Variants in SATB1 observed in about 807,000 individuals in gnomAD.
SATB1 encodes the protein DNA-binding protein SATB1.
A neutral mutation model predicts 86.9 loss-of-function variants in SATB1; 11 were observed. The observed-to-expected ratio is 0.13, with a 90% CI of 0.08 to 0.21. SATB1 has a LOEUF of 0.21. Ranked by LOEUF, SATB1 falls within the 10% of genes least tolerant of loss-of-function variation. SATB1 has a pLI of 1.00. For missense variants in SATB1, 551 were observed against 937.6 expected (o/e 0.59, Z 5.39); for synonymous variants, 357 against 357.2 (o/e 1.00, Z 0.01).
At chr3:18,377,184 A>G (rs926548779) in intron 9 of SATB1, among the ~76,000 whole-genome samples, 3 of 152,194 alleles carry the variant, frequency 2.0e-5, no homozygotes, top group African/African-American at 7.2e-5. Flanking sequence ...TACTCCCACA[A>G]TTGTGTATTT....
rs1280614916 is a variant in SATB1, at chr3:18,346,563, TTTA to T, written c.*2604_*2606del. On this transcript the variant is annotated 3_prime_UTR_variant, in exon 11 of 11. Coordinates refer to ENST00000338745, the MANE Select transcript of SATB1 (RefSeq NM_002971.6). ...AATTTTGCTCACTCCATCCTATCAG[TTTA>T]TTAACATGTGCTTGTGTGTGTGTGT... The T allele has an allele frequency of 2.1e-5, 3 of 140,028 alleles. No homozygotes were observed. The highest frequency in any genetic ancestry group is 7.8e-5 in the African/African-American group (3 of 38,334). The allele number at this position is 140,028 out of a possible 1,614,324, so 8.7% of individuals were successfully genotyped here. A position where few individuals can be genotyped will look rare whatever the true frequency, so the allele number is the denominator to read the frequency against.
In SATB1 at chr3:18,349,758, A is replaced by T. The variant is rs1694256705; in HGVS notation, c.1780-76T>A. 9.3e-6 allele frequency: 14 copies of T among 1,507,850 alleles called. No individual in the cohort carries two copies. Among genetic ancestry groups the T allele is most frequent in the Admixed American group, 2.1e-5 (1 of 47,884 alleles). The allele number at this position is 1,507,850 out of a possible 1,614,324, so 93.4% of individuals were successfully genotyped here. A position where few individuals can be genotyped will look rare whatever the true frequency, so the allele number is the denominator to read the frequency against. On this transcript the variant is annotated intron_variant, in intron 10 of 10. Coordinates refer to ENST00000338745, the MANE Select transcript of SATB1 (RefSeq NM_002971.6). This position sits in a 1 kb window ranked among gnomAD's most constrained non-coding sequence, Gnocchi z 5.5. ...ACAAAGCCGTCTCCAATCAGGAAAA[A>T]TGTGGTCCCGGATCCTACATATAGC...
At chr3:18,374,292 AAC>A (rs1389618985) in intron 9 of SATB1, among the ~76,000 whole-genome samples, 1 of 152,204 alleles carries the variant, frequency 6.6e-6, no homozygotes. Flanking sequence ...CCCATATGAA[AAC>A]ACTATAACCA....
chr3:18,445,345 C>G (rs879594110), intron 1 of SATB1: 75 of 975,422 alleles, frequency 7.7e-5, no homozygotes, highest in Admixed American at 1.3e-4. Flanking sequence ...CCCAGCGCGC[C>G]GGCCGGGGTG....
chr3:18,398,205 G>C (rs752254436), intron 5 of SATB1, among the ~76,000 whole-genome samples: 2 of 152,022 alleles, frequency 1.3e-5, no homozygotes, highest in Non-Finnish European at 2.9e-5. Context: ...TCACTAGGAG[G>C]GTTTCTTTTT....
rs992956252 is a variant in SATB1 at position 18,416,803 on chromosome 3, C to T, written c.388+99G>A. On this transcript the variant is annotated intron_variant, in intron 3 of 10. Transcript: ENST00000338745. ...GCCTATAAGGAACCAATGTAATACA[C>T]AGGCTACAGTTCTTTGAATAAAAAT... The T allele has an allele frequency of 4.1e-6, 5 of 1,217,070 alleles. No individual in the cohort carries two copies. In the African/African-American group the frequency reaches 7.7e-5, roughly 19 times the overall value. The allele number at this position is 1,217,070 out of a possible 1,614,324, so 75.4% of individuals were successfully genotyped here. A position where few individuals can be genotyped will look rare whatever the true frequency, so the allele number is the denominator to read the frequency against.
In SATB1 at chr3:18,416,002, C is replaced by A; in HGVS notation, c.515+5G>T. ...TTTCACCCTAGATTTGCTGTCTTGA[C>A]TCACCTGTGTAACTGAATTTTCAAT... On this transcript the variant is annotated splice_donor_5th_base_variant and intron_variant, in intron 4 of 10. Transcript: ENST00000338745. 1 of 1,591,182 alleles carries A rather than the reference C, an allele frequency of 6.3e-7. No homozygotes were observed. The highest frequency in any genetic ancestry group is 8.6e-7 in the Non-Finnish European group (1 of 1,165,536).
chr3:18,433,357 TTA>T (rs1698952260), intron 2 of SATB1, among the ~76,000 whole-genome samples: 1 of 151,838 alleles, frequency 6.6e-6, no homozygotes, highest in African/African-American at 2.4e-5. Context: ...TAAAAAGACT[TTA>T]GATTCTATTT....
intron 2 of SATB1, chr3:18,435,063 C>G (rs1424806120): frequency 6.6e-6 from 1 of 152,008 alleles, no homozygotes; most frequent in Non-Finnish European, 1.5e-5. Context: ...GGGCAGAATA[C>G]CAATATTTTA....
chr3:18,354,971 C>T (rs1422733740), intron 9 of SATB1, among the ~76,000 whole-genome samples: 1 of 152,080 alleles, frequency 6.6e-6, no homozygotes, highest in African/African-American at 2.4e-5. Flanking sequence ...TGCTATTAAC[C>T]TCTGCCCTTA....
At position 18,415,138 on chromosome 3, in the gene SATB1, T is replaced by C. The variant is rs944604947; in HGVS notation, c.612A>G (p.Ser204=). ...GTGAAAGGGGGCACTCCTTGGCCAA[T>C]GAACTCTGATTCATATCTTTCAGTA... ...KDLLKDMNQS[S]LAKECPLSQS... is the part of the protein sequence containing the mutation. Residue 204 remains serine, a synonymous_variant, in exon 5 of 11, where the codon TCA becomes TCG. Coordinates refer to ENST00000338745, the MANE Select transcript of SATB1 (RefSeq NM_002971.6). 27 of 1,612,880 alleles carry C rather than the reference T, an allele frequency of 1.7e-5. No homozygotes were observed. Among genetic ancestry groups the C allele is most frequent in the African/African-American group, 1.3e-5 (1 of 74,864 alleles).
chr3:18,444,855 C>A lies in SATB1; in HGVS notation c.-25+663G>T, dbSNP rs1283469809. 3 of 147,946 alleles carry A rather than the reference C, an allele frequency of 2.0e-5. No homozygotes were observed. The East Asian group carries it at 6.9e-4, about 34-fold the overall frequency. 9.2% of individuals were successfully genotyped at this position (147,946 alleles called of 1,614,324 possible). A position where few individuals can be genotyped will look rare whatever the true frequency, so the allele number is the denominator to read the frequency against. ...GAGGCGAGGAGCGAGCGAGCGAGCG[C>A]GCGGGGCCAAGGGAAGGAAGAGAAG... On this transcript the variant is annotated intron_variant, in intron 1 of 3. Transcript: ENST00000415069. The surrounding 1 kb of genome is among the most constrained non-coding windows in gnomAD (Gnocchi z 5.1).
chr3:18,369,082 A>G (rs1230514751), intron 9 of SATB1, among the ~76,000 whole-genome samples: 2 of 152,056 alleles, frequency 1.3e-5, no homozygotes, highest in African/African-American at 4.8e-5. Context: ...TCTCCATGAA[A>G]TAAAGTTCCT....
chr3:18,373,466 G>A (rs1457815646), intron 9 of SATB1, among the ~76,000 whole-genome samples: 2 of 152,138 alleles, frequency 1.3e-5, no homozygotes, highest in Admixed American at 1.3e-4. Context: ...AATGTCAATG[G>A]TTCCATGATT....
intron 1 of SATB1, among the ~76,000 whole-genome samples, chr3:18,437,650 A>C (rs531979594): frequency 6.6e-6 from 1 of 152,178 alleles, no homozygotes; most frequent in Non-Finnish European, 1.5e-5. Context: ...ATTGTTTCTG[A>C]GTCCTCTTGA....
intron 5 of SATB1, 137 bp downstream of exon 5, chr3:18,414,974 C>G: frequency 1.1e-6 from 1 of 878,472 alleles, no homozygotes; most frequent in South Asian, 1.7e-5. Context: ...TAAAAGGTCA[C>G]CAGTGGTCAA....
chr3:18,351,146 G>A (rs1694337465), intron 10 of SATB1: 1 of 655,784 alleles, frequency 1.5e-6, no homozygotes, highest in African/African-American at 1.8e-5. Context: ...CAAGTCCCAT[G>A]ACATGACAAA....
At chr3:18,362,860 C>CA (rs35470564) in intron 9 of SATB1, among the ~76,000 whole-genome samples, 5,860 of 32,212 alleles carry the variant, frequency 0.18, 847 homozygotes, top group Middle Eastern at 0.38. Context: ...ATGCCATGTG[C>CA]AAAAAAAAAA....
chr3:18,369,938 C>T (rs1050325122), intron 9 of SATB1, among the ~76,000 whole-genome samples: 4 of 152,170 alleles, frequency 2.6e-5, no homozygotes, highest in Non-Finnish European at 2.9e-5. Flanking sequence ...TGACCTTGTG[C>T]GTGCCTGCGT....
Sources: gnomAD v4.1 joint callset for allele counts (sites outside exome capture counted in the v4.1 genomes callset) on GRCh38, gnomAD v4.1.1 for gene constraint, Gnocchi (gnomAD v3.1) non-coding constraint, MANE v1.5 for transcripts, NCBI Gene and HGNC (gene_info 2026-07-23, HGNC 2026-07-21) for gene names.